The following LINGO3 variants were observed in gnomAD, a reference collection of about 807,000 sequenced individuals.
LINGO3 encodes the protein leucine rich repeat and Ig domain containing 3.
For missense variants in LINGO3, 750 were observed against 867.7 expected (o/e 0.86, Z 1.70); for synonymous variants, 427 against 444.2 (o/e 0.96, Z 0.49).
chr19:2,304,981 CT>C, the LINGO3 span, among the ~76,000 whole-genome samples: 52 of 152,220 alleles, frequency 3.4e-4, no homozygotes, highest in South Asian at 0.011. Context: ...AATGCTCAGA[CT>C]ACAAGCGTGA....
chr19:2,299,723 CT>C, the LINGO3 span, among the ~76,000 whole-genome samples: 9,180 of 81,478 alleles, frequency 0.11, 301 homozygotes, highest in East Asian at 0.21. Context: ...TGTGCCCTGC[CT>C]TTTTTTTTTT....
downstream of LINGO3, among the ~76,000 whole-genome samples, chr19:2,287,697 A>C (rs2025479936): frequency 6.6e-6 from 1 of 152,160 alleles, no homozygotes; most frequent in Non-Finnish European, 1.5e-5. The surrounding 1 kb of genome is among the most constrained non-coding windows in gnomAD (Gnocchi z 4.5). Flanking sequence ...ATCCAAGTCA[A>C]GCCATCAAGC....
the LINGO3 span, among the ~76,000 whole-genome samples, chr19:2,300,251 C>T: frequency 1.1e-4 from 16 of 151,760 alleles, no homozygotes; most frequent in African/African-American, 3.4e-4. Context: ...AGGCTGGTCT[C>T]GAACTCCTGA....
chr19:2,290,351 C>A lies in LINGO3; in HGVS notation c.1426G>T (p.Gly476Cys). The change falls in exon 1 of 1, where the codon GGC becomes TGC. Residue 476 changes from glycine (G) to cysteine (C), a missense_variant. Gly to Cys is a radical substitution (Grantham distance 159). Transcript: ENST00000585527. The surrounding 1 kb of genome is among the most constrained non-coding windows in gnomAD (Gnocchi z 6.0). ...TTGCTGGCCACGCACGTGTAGGTGC[C>A]GCTGTCCTGCGGCCGCGCGTCCTGG... 1 of 1,509,508 alleles carries A rather than the reference C, an allele frequency of 6.6e-7. No homozygotes were observed. The highest frequency in any genetic ancestry group is 1.2e-5 in the South Asian group (1 of 80,752). 93.5% of individuals were successfully genotyped at this position (1,509,508 alleles called of 1,614,324 possible). A position where few individuals can be genotyped will look rare whatever the true frequency, so the allele number is the denominator to read the frequency against.
Position 2,291,886 on chromosome 19 carries a change from G to C in LINGO3, c.-110C>G, listed in dbSNP as rs536666962. On this transcript the variant is annotated 5_prime_UTR_variant, in exon 1 of 1. Coordinates refer to ENST00000585527, the Ensembl canonical transcript of LINGO3. ...AGCACCCCTCCGCGGCGCCTCTGCC[G>C]CCAGCCCGCCCCTAACCCGTCCCAG... is the stretch of plus-strand genomic sequence containing the variant. 121 of 945,834 alleles carry C rather than the reference G, an allele frequency of 1.3e-4. 1 individual carries two copies. The African/African-American group carries it at 1.7e-3, about 14-fold the overall frequency. 58.6% of individuals were successfully genotyped at this position (945,834 alleles called of 1,614,324 possible).
At chr19:2,293,188 C>T (rs1387203817), upstream of LINGO3, among the ~76,000 whole-genome samples, 3 of 152,032 alleles carry the variant, frequency 2.0e-5, no homozygotes, top group Non-Finnish European at 2.9e-5. Context: ...CCTCAGCCTC[C>T]CGAGTAACTG....
chr19:2,290,522 C>T lies in LINGO3; in HGVS notation c.1255G>A (p.Ala419Thr), dbSNP rs2025508268. Residue 419 changes from alanine (A) to threonine (T), a missense_variant, in exon 1 of 1, where the codon GCC becomes ACC. By Grantham distance (58) the Ala-to-Thr change is moderately conservative. Transcript: ENST00000585527. This position sits in a 1 kb window ranked among gnomAD's most constrained non-coding sequence, Gnocchi z 6.0. ...AAGCGGACGTCTTCGCCCGCGGTGG[C>T]CGTGACGCGCTGCAGCCGCCGCTCC... 1.5e-5 allele frequency: 23 copies of T among 1,511,456 alleles called. No homozygotes were observed. Among genetic ancestry groups the T allele is most frequent in the Non-Finnish European group, 1.9e-5 (22 of 1,134,626 alleles). The allele number at this position is 1,511,456 out of a possible 1,614,324, so 93.6% of individuals were successfully genotyped here.
At chr19:2,300,093 G>A in the LINGO3 span, among the ~76,000 whole-genome samples, 12 of 148,554 alleles carry the variant, frequency 8.1e-5, no homozygotes, top group Admixed American at 1.4e-4. Flanking sequence ...GTGCAATGGC[G>A]CGATCTCTGC....
upstream of LINGO3, among the ~76,000 whole-genome samples, chr19:2,295,116 T>C (rs976916387): frequency 3.3e-5 from 5 of 152,204 alleles, no homozygotes; most frequent in African/African-American, 1.2e-4. Flanking sequence ...GACTGCTTCA[T>C]GTCAGAGATG....
the LINGO3 span, among the ~76,000 whole-genome samples, chr19:2,297,697 C>G: frequency 6.6e-6 from 1 of 151,516 alleles, no homozygotes; most frequent in Admixed American, 6.6e-5. Context: ...CTCTGCCTCC[C>G]GAGTTTAAGT....
In LINGO3 at chr19:2,290,589, G is replaced by T; in HGVS notation, c.1188C>A (p.Ser396=). The stretch of plus-strand genomic sequence containing the variant: ...GGCACACGAAGTACTCGAACAGCAC[G>T]GAGTCCGGCAGGTTTCGCAGCGCGT... The change falls in exon 1 of 1, where the codon TCC becomes TCA. Residue 396 remains serine, a synonymous_variant. Transcript: ENST00000585527. The surrounding 1 kb of genome is among the most constrained non-coding windows in gnomAD (Gnocchi z 6.0). The T allele has an allele frequency of 1.3e-6, 2 of 1,580,374 alleles. No homozygotes were observed. Among genetic ancestry groups the T allele is most frequent in the East Asian group, 2.3e-5 (1 of 43,498 alleles).
At chr19:2,307,802 C>T in the LINGO3 span, among the ~76,000 whole-genome samples, 2 of 152,252 alleles carry the variant, frequency 1.3e-5, no homozygotes, top group Admixed American at 6.5e-5. Context: ...TCCCCAGTGC[C>T]CCGGGGAGAT....
At chr19:2,304,448 C>A in the LINGO3 span, among the ~76,000 whole-genome samples, 1 of 152,110 alleles carries the variant, frequency 6.6e-6, no homozygotes, top group East Asian at 1.9e-4. Context: ...GGAAAAAGGG[C>A]CTCTGCAGAT....
chr19:2,305,843 C>T, the LINGO3 span, among the ~76,000 whole-genome samples: 5 of 152,354 alleles, frequency 3.3e-5, no homozygotes, highest in Admixed American at 2.0e-4. Context: ...CAGCCCCTCA[C>T]AGCACGTGGC....
the LINGO3 span, among the ~76,000 whole-genome samples, chr19:2,301,354 G>A: frequency 6.6e-6 from 1 of 151,794 alleles, no homozygotes; most frequent in Admixed American, 6.6e-5. Context: ...GCACTGCCGG[G>A]TGCTGAGAAG....
chr19:2,306,532 G>A, the LINGO3 span, among the ~76,000 whole-genome samples: 1 of 152,190 alleles, frequency 6.6e-6, no homozygotes, highest in Non-Finnish European at 1.5e-5. Flanking sequence ...CTTACCCTGG[G>A]GGTGGACGGC....
At chr19:2,305,615 TG>T in the LINGO3 span, among the ~76,000 whole-genome samples, 1 of 152,142 alleles carries the variant, frequency 6.6e-6, no homozygotes, top group Non-Finnish European at 1.5e-5. Context: ...GGGCAAGGGA[TG>T]CTGACATCTC....
exon 1 of LINGO3, chr19:2,289,972 A>C: frequency 6.9e-7 from 1 of 1,442,980 alleles, no homozygotes; most frequent in Non-Finnish European, 9.3e-7. Context: ...GGGGGAGGGG[A>C]GGGGAGGGTC....
At chr19:2,301,896 C>G in the LINGO3 span, among the ~76,000 whole-genome samples, 1 of 141,816 alleles carries the variant, frequency 7.1e-6, no homozygotes, top group Non-Finnish European at 1.5e-5. Flanking sequence ...CCACTGCACT[C>G]CAGCCTGGGC....
Sources: gnomAD v4.1 joint callset for allele counts (sites outside exome capture counted in the v4.1 genomes callset) on GRCh38, gnomAD v4.1.1 for gene constraint, Gnocchi (gnomAD v3.1) non-coding constraint, MANE v1.5 for transcripts, NCBI Gene and HGNC (gene_info 2026-07-23, HGNC 2026-07-21) for gene names.